PRTG: variants seen among roughly 807,000 people sequenced by gnomAD.
PRTG encodes the protein immunoglobulin superfamily, DCC subclass, member 5.
Under a neutral mutation model 122.5 loss-of-function variants are expected in PRTG, and 67 were observed. The observed-to-expected ratio is 0.55, with a 90% confidence interval of 0.45 to 0.67. The LOEUF (loss-of-function observed/expected upper bound fraction) is 0.67. Among genes scored for constraint, PRTG ranks in the 30% least tolerant of loss-of-function variants. The pLI is 0.00. For missense variants in PRTG, 1,435 were observed against 1,415.4 expected (o/e 1.01, Z -0.22); for synonymous variants, 554 against 501.1 (o/e 1.11, Z -1.41).
rs200069819 is a variant in PRTG at position 55,673,540 on chromosome 15, C to A, written c.1683G>T (p.Glu561Asp). The A allele has an allele frequency of 4.1e-4, 657 of 1,614,028 alleles. 1 individual carries two copies. Among genetic ancestry groups the A allele is most frequent in the Non-Finnish European group, 4.3e-4 (511 of 1,180,036 alleles). ...GGAGCTCCAGAACTTGGATTGAATT[C>A]TCAGTACTTAGGCGGAAAGACAAGC... The part of the protein sequence containing the change: ...LYRLSFRLST[E>D]NSIQVLELPG... Residue 561 changes from glutamate to aspartate, a missense_variant, in exon 10 of 20, where the codon GAG becomes GAT. Transcript: ENST00000389286.
rs555834321 is a variant in PRTG at position 55,623,480 on chromosome 15, T to C, written c.3093+862A>G. Among the ~76,000 whole-genome samples, 34 of 152,166 alleles carry C rather than the reference T, an allele frequency of 2.2e-4. No homozygotes were observed. In the South Asian group the frequency reaches 5.6e-3, roughly 25 times the overall value. On this transcript the variant is annotated intron_variant, in intron 18 of 19. Coordinates refer to ENST00000389286, the MANE Select transcript of PRTG (RefSeq NM_173814.6). Reference sequence around the variant, plus strand: ...TACTCGGGAGGCTGAGGCAGGAGAATCGCTCGAACCGGGAGGTGGAGGTCA... The same window carrying C: ...TACTCGGGAGGCTGAGGCAGGAGAACCGCTCGAACCGGGAGGTGGAGGTCA...
intron 18 of PRTG, among the ~76,000 whole-genome samples, chr15:55,623,575 A>G (rs996701691): frequency 6.6e-6 from 1 of 152,172 alleles, no homozygotes; most frequent in Non-Finnish European, 1.5e-5. Flanking sequence ...TTAAAAAAAA[A>G]GTAAAAAACA....
At chr15:55,705,340 T>C (rs571108560) in intron 2 of PRTG, among the ~76,000 whole-genome samples, 92 of 152,316 alleles carry the variant, frequency 6.0e-4, no homozygotes, top group African/African-American at 2.0e-3. Context: ...TGCTTTAAAC[T>C]TTCCTAGAAG....
chr15:55,683,980 C>T (rs1219229892), intron 2 of PRTG, 49 bp from the exon 3 acceptor site: 1 of 1,520,354 alleles, frequency 6.6e-7, no homozygotes. Flanking sequence ...GAAAATAACA[C>T]TTAGAAGTAA....
Position 55,618,169 on chromosome 15 carries a change from G to A in PRTG, c.*1843C>T, listed in dbSNP as rs1363806298. On this transcript the variant is annotated 3_prime_UTR_variant, in exon 20 of 20. Coordinates refer to ENST00000389286, the MANE Select transcript of PRTG (RefSeq NM_173814.6). ...GGGGGACTCTGAGTTTAGTTCAGAA[G>A]TGGTTGCTGGCATTGAACTTTAGTC... 6.6e-6 allele frequency: 1 copy of A among 152,158 alleles called. No individual in the cohort carries two copies. Among genetic ancestry groups the A allele is most frequent in the Non-Finnish European group, 1.5e-5 (1 of 68,028 alleles). The allele number at this position is 152,158 out of a possible 1,614,324, so 9.4% of individuals were successfully genotyped here. A position where few individuals can be genotyped will look rare whatever the true frequency, so the allele number is the denominator to read the frequency against.
At chr15:55,734,508 T>A (rs189395333) in intron 2 of PRTG, among the ~76,000 whole-genome samples, 225 of 152,012 alleles carry the variant, frequency 1.5e-3, no homozygotes, top group African/African-American at 5.3e-3. Context: ...GGACACCAAT[T>A]TGAAACCAGA....
chr15:55,654,752 C>G (rs1257835166), intron 11 of PRTG, among the ~76,000 whole-genome samples: 5 of 152,134 alleles, frequency 3.3e-5, no homozygotes, highest in Non-Finnish European at 5.9e-5. Flanking sequence ...TCATGACAAC[C>G]AAACTTCCCC....
intron 11 of PRTG, among the ~76,000 whole-genome samples, chr15:55,642,206 G>C (rs757280849): frequency 7.0e-6 from 1 of 142,548 alleles, no homozygotes; most frequent in African/African-American, 2.7e-5. Context: ...AAAAAAAATA[G>C]TTATACATTT....
chr15:55,728,492 C>A lies in PRTG; in HGVS notation c.397+11890G>T, dbSNP rs558264018. Among the ~76,000 whole-genome samples, 11 of 151,460 alleles carry A rather than the reference C, an allele frequency of 7.3e-5. No homozygotes were observed. In the East Asian group the frequency reaches 1.4e-3, roughly 19 times the overall value. On this transcript the variant is annotated intron_variant, in intron 2 of 19. Transcript: ENST00000389286. ...AAAATTAATCAAATAATTGATAGAA[C>A]AAACAAAAAAGATGATTAGCACAGT...
At chr15:55,620,907 A>T in intron 18 of PRTG, 140 bp from the exon 19 acceptor site, 1 of 755,414 alleles carries the variant, frequency 1.3e-6, no homozygotes, top group South Asian at 2.0e-5. Flanking sequence ...TTCAGGGAGT[A>T]CATGTGCATG....
At chr15:55,624,748 T>C (rs1339633255) in intron 17 of PRTG, among the ~76,000 whole-genome samples, 2 of 152,244 alleles carry the variant, frequency 1.3e-5, no homozygotes, top group Non-Finnish European at 2.9e-5. Context: ...TCTACAAGTA[T>C]TGTTGCTTAT....
rs1048196449 is a variant in PRTG at position 55,618,870 on chromosome 15, T to C, written c.*1142A>G. On this transcript the variant is annotated 3_prime_UTR_variant, in exon 20 of 20. Transcript: ENST00000389286. ...AAAAGGTATAAGGCAAAGAATTTCA[T>C]TATACTGAAAGGCACTGTTACCATA... 3 of 152,200 alleles carry C rather than the reference T, an allele frequency of 2.0e-5. No homozygotes were observed. The highest frequency in any genetic ancestry group is 6.5e-5 in the Admixed American group (1 of 15,274). 9.4% of individuals were successfully genotyped at this position (152,200 alleles called of 1,614,324 possible). A position where few individuals can be genotyped will look rare whatever the true frequency, so the allele number is the denominator to read the frequency against.
chr15:55,645,936 G>A (rs2059320062), intron 11 of PRTG, among the ~76,000 whole-genome samples: 2 of 152,194 alleles, frequency 1.3e-5, no homozygotes, highest in Non-Finnish European at 2.9e-5. Flanking sequence ...AGGGAAGACA[G>A]GGAGAAGTTG....
At chr15:55,658,506 T>TG (rs1358092468) in intron 11 of PRTG, among the ~76,000 whole-genome samples, 7 of 152,118 alleles carry the variant, frequency 4.6e-5, no homozygotes, top group African/African-American at 1.7e-4. Context: ...TTAGTAGAGA[T>TG]GGGGCTTCAC....
Position 55,742,672 on chromosome 15 carries a change from G to A in PRTG, c.94+166C>T, listed in dbSNP as rs115287614. ...CGCAAGCAACTAGTGTCTGCAGCTG[G>A]CGGTTCCGGACAGGCCGCAGGGCGA... On this transcript the variant is annotated intron_variant, in intron 1 of 19. Coordinates refer to ENST00000389286, the MANE Select transcript of PRTG (RefSeq NM_173814.6). 1.4e-3 allele frequency: 1,041 copies of A among 766,726 alleles called. 12 individuals carry two copies. In the African/African-American group the frequency reaches 0.018, roughly 13 times the overall value. The allele number at this position is 766,726 out of a possible 1,614,324, so 47.5% of individuals were successfully genotyped here.
intron 3 of PRTG, among the ~76,000 whole-genome samples, 198 bp downstream of exon 3, chr15:55,683,589 T>A (rs547446048): frequency 6.6e-6 from 1 of 152,230 alleles, no homozygotes; most frequent in East Asian, 1.9e-4. Context: ...ATTTAAATTC[T>A]GATCTAAACC....
chr15:55,647,235 C>T (rs183566555), intron 11 of PRTG, among the ~76,000 whole-genome samples: 7 of 152,184 alleles, frequency 4.6e-5, no homozygotes, highest in African/African-American at 9.6e-5. Flanking sequence ...GCCGAGATCA[C>T]GCCATTGCAC....
chr15:55,680,780 G>A, intron 4 of PRTG, 152 bp from the exon 5 acceptor site: 2 of 444,858 alleles, frequency 4.5e-6, no homozygotes, highest in Non-Finnish European at 3.8e-6. Context: ...TCACCCATCT[G>A]AAGTATATAA....
rs2059142727 is a variant in PRTG, at chr15:55,616,581, G to C, written c.*3431C>G. The C allele has an allele frequency of 6.6e-6, 1 of 152,122 alleles. No individual in the cohort carries two copies. The highest frequency in any genetic ancestry group is 2.1e-4 in the South Asian group (1 of 4,826). 9.4% of individuals were successfully genotyped at this position (152,122 alleles called of 1,614,324 possible). ...GGCTGAATCACAGATTAAATGGAAA[G>C]TCCTCATGCATGTTATTTGTATACA... is the stretch of plus-strand genomic sequence containing the variant. On this transcript the variant is annotated 3_prime_UTR_variant, in exon 20 of 20. Transcript: ENST00000389286.
Sources: allele counts gnomAD v4.1 joint callset (sites outside exome capture counted in the v4.1 genomes callset), GRCh38; gene constraint gnomAD v4.1.1; transcripts MANE v1.5; gene names NCBI Gene and HGNC (gene_info 2026-07-23, HGNC 2026-07-21).